The following USP38 variants were observed in gnomAD, a reference collection of about 807,000 sequenced individuals.
USP38 encodes the protein ubiquitin specific peptidase 38.
A neutral mutation model predicts 94.3 loss-of-function variants in USP38; 49 were observed. The ratio of observed to expected loss-of-function variants is 0.52; its 90% CI spans 0.41 to 0.66. The LOEUF (loss-of-function observed/expected upper bound fraction) is 0.66, where lower values mean the gene tolerates loss of function less well. USP38 is among the 30% of genes least tolerant of loss of function. The pLI is 0.00. For synonymous variants in USP38, 468 were observed against 463.6 expected (o/e 1.01, Z -0.12); for missense variants, 1,128 against 1,229.4 (o/e 0.92, Z 1.23).
At chr4:143,191,982 A>G (rs1054043831) in intron 2 of USP38, among the ~76,000 whole-genome samples, 6 of 152,254 alleles carry the variant, frequency 3.9e-5, no homozygotes, top group African/African-American at 1.4e-4. Context: ...AATCAAATTG[A>G]AACGGAACTG....
chr4:143,187,005 A>C (rs906532758), intron 1 of USP38, among the ~76,000 whole-genome samples: 2 of 152,178 alleles, frequency 1.3e-5, no homozygotes, highest in African/African-American at 4.8e-5. Context: ...GTGGAGTTTT[A>C]ACAAACGTTC....
chr4:143,194,106 C>T (rs2149605415), intron 2 of USP38, among the ~76,000 whole-genome samples: 1 of 152,326 alleles, frequency 6.6e-6, no homozygotes, highest in South Asian at 2.1e-4. Context: ...AAAAAGATGT[C>T]AGTCCTTTTA....
chr4:143,195,479 A>G (rs1361254816), intron 2 of USP38, among the ~76,000 whole-genome samples: 2 of 152,260 alleles, frequency 1.3e-5, no homozygotes, highest in Non-Finnish European at 2.9e-5. Context: ...ATAATTTATC[A>G]GAAATTCTTT....
At chr4:143,186,327 C>A (rs892132507) in intron 1 of USP38, among the ~76,000 whole-genome samples, 195 bp downstream of exon 1, 7 of 152,162 alleles carry the variant, frequency 4.6e-5, no homozygotes, top group African/African-American at 1.7e-4. Context: ...AAACAGGCAG[C>A]GTTCCCATTT....
In USP38 at chr4:143,220,280, T is replaced by G. The variant is rs749168860; in HGVS notation, c.2968-15T>G. The G allele has an allele frequency of 6.3e-7, 1 of 1,598,716 alleles. No homozygotes were observed. Among genetic ancestry groups the G allele is most frequent in the South Asian group, 1.1e-5 (1 of 89,196 alleles). ...TTTAGCATTTTAATTTCATAAAAGT[T>G]ATTTTTAATTTTAGGAACAAGAGTT... On this transcript the variant is annotated splice_polypyrimidine_tract_variant and intron_variant, in intron 9 of 9. Coordinates refer to ENST00000307017, the MANE Select transcript of USP38 (RefSeq NM_032557.6).
chr4:143,202,309 A>G (rs1282525039), intron 4 of USP38, among the ~76,000 whole-genome samples: 3 of 152,172 alleles, frequency 2.0e-5, no homozygotes, highest in Non-Finnish European at 4.4e-5. Flanking sequence ...GACAGAGCAG[A>G]ATGGAAATAG....
chr4:143,191,846 G>A (rs1731404706), intron 2 of USP38, among the ~76,000 whole-genome samples: 1 of 152,292 alleles, frequency 6.6e-6, no homozygotes, highest in Middle Eastern at 3.4e-3. Flanking sequence ...AAAAGAAAGT[G>A]TCCTTGGAAT....
At chr4:143,209,881 A>G (rs1159938905) in intron 7 of USP38, among the ~76,000 whole-genome samples, 1 of 152,016 alleles carries the variant, frequency 6.6e-6, no homozygotes, top group East Asian at 1.9e-4. Context: ...CTTGCTTCCC[A>G]TTATTGTAGC....
rs934610992 is a variant in USP38, at chr4:143,222,162, C to A, written c.*1706C>A. 6.6e-6 allele frequency: 1 copy of A among 152,024 alleles called. No individual in the cohort carries two copies. The highest frequency in any genetic ancestry group is 2.4e-5 in the African/African-American group (1 of 41,422). 9.4% of individuals were successfully genotyped at this position (152,024 alleles called of 1,614,324 possible). Reference sequence around the variant, plus strand: ...AGATTGATATTGGGCTAAGATGCTTCTAGGAACTTTCATAAAAGCAATTAT... The same window carrying A: ...AGATTGATATTGGGCTAAGATGCTTATAGGAACTTTCATAAAAGCAATTAT... On this transcript the variant is annotated 3_prime_UTR_variant, in exon 10 of 10. Coordinates refer to ENST00000307017, the MANE Select transcript of USP38 (RefSeq NM_032557.6).
Position 143,203,411 on chromosome 4 carries a change from G to A in USP38, c.1054G>A (p.Val352Ile). ...QHSPEAFHLI[V>I]PHVVNLVHSF... Reference sequence around the variant, plus strand: ...GTTTATCCTTTTTTCTTTTCAGATTGTTCCTCATGTGGTTAATTTGGTTCA... The same window carrying A: ...GTTTATCCTTTTTTCTTTTCAGATTATTCCTCATGTGGTTAATTTGGTTCA... Residue 352 changes from valine (V) to isoleucine (I), a missense_variant, in exon 5 of 10, where the codon GTT becomes ATT. By Grantham distance (29) the Val-to-Ile change is conservative (BLOSUM62 3). Coordinates refer to ENST00000307017, the MANE Select transcript of USP38 (RefSeq NM_032557.6). 1.2e-6 allele frequency: 2 copies of A among 1,609,250 alleles called. No individual in the cohort carries two copies. Among genetic ancestry groups the A allele is most frequent in the East Asian group, 2.2e-5 (1 of 44,612 alleles).
At chr4:143,194,510 TTTC>T (rs1206932056) in intron 2 of USP38, among the ~76,000 whole-genome samples, 1 of 151,184 alleles carries the variant, frequency 6.6e-6, no homozygotes, top group African/African-American at 2.5e-5. Context: ...CTTCAGTTGC[TTTC>T]TTTTTTTTTT....
chr4:143,210,887 T>C (rs1055644121), intron 7 of USP38, among the ~76,000 whole-genome samples: 7 of 151,918 alleles, frequency 4.6e-5, no homozygotes, highest in Non-Finnish European at 1.0e-4. Flanking sequence ...TATGAGATGA[T>C]AGTAATGGCC....
In USP38 at chr4:143,206,372, T is replaced by A. The variant is rs6842633; in HGVS notation, c.1403+146T>A. 1.2e-5 allele frequency: 8 copies of A among 692,116 alleles called. No individual in the cohort carries two copies. The East Asian group carries it at 2.5e-4, about 22-fold the overall frequency. The allele number at this position is 692,116 out of a possible 1,614,324, so 42.9% of individuals were successfully genotyped here. On this transcript the variant is annotated intron_variant, in intron 6 of 9. Transcript: ENST00000307017. ...TTGCCTTATTCAGAAATGAAACTGC[T>A]TTTAGTGCTCAGAAACTATGAAAAT...
Position 143,185,377 on chromosome 4 carries a change from GC to G in USP38, c.-73del. The G allele has an allele frequency of 1.4e-6, 2 of 1,479,980 alleles. No individual in the cohort carries two copies. Among genetic ancestry groups the G allele is most frequent in the Non-Finnish European group, 1.8e-6 (2 of 1,109,264 alleles). The allele number at this position is 1,479,980 out of a possible 1,614,324, so 91.7% of individuals were successfully genotyped here. A position where few individuals can be genotyped will look rare whatever the true frequency, so the allele number is the denominator to read the frequency against. ...GCTCCAAGTTCATCTCCGCCCCGGG[GC>G]TCTCCTGCCCCACCTCGGGGCTGCC... On this transcript the variant is annotated 5_prime_UTR_variant, in exon 1 of 10. Transcript: ENST00000307017.
chr4:143,220,382 C>T lies in USP38; in HGVS notation c.3055C>T (p.Pro1019Ser). ...GCCCAATGGATTTGATGACAACGAC[C>T]CACCAGGAAGCTGTGGACCAACTGG... is the stretch of plus-strand genomic sequence containing the variant. ...FRPNGFDDND[P>S]PGSCGPTGGG... Residue 1019 changes from proline to serine, a missense_variant, in exon 10 of 10, where the codon CCA becomes TCA. Coordinates refer to ENST00000307017, the MANE Select transcript of USP38 (RefSeq NM_032557.6). 6.2e-7 allele frequency: 1 copy of T among 1,613,388 alleles called. No homozygotes were observed. Among genetic ancestry groups the T allele is most frequent in the Non-Finnish European group, 8.5e-7 (1 of 1,179,604 alleles).
chr4:143,203,033 C>A (rs1385343291), intron 4 of USP38, among the ~76,000 whole-genome samples: 1 of 151,952 alleles, frequency 6.6e-6, no homozygotes, highest in Non-Finnish European at 1.5e-5. Context: ...TTAGCTAATT[C>A]CAGGATTATT....
intron 3 of USP38, among the ~76,000 whole-genome samples, chr4:143,197,108 C>T (rs750767854): frequency 1.4e-4 from 21 of 152,298 alleles, no homozygotes; most frequent in African/African-American, 2.2e-4. Flanking sequence ...GTTACTGCCT[C>T]GGTCTCTTGC....
intron 9 of USP38, among the ~76,000 whole-genome samples, chr4:143,219,642 C>T (rs1303736878): frequency 6.6e-6 from 1 of 152,016 alleles, no homozygotes. Context: ...GCATATTTTT[C>T]CAAAGAGTTT....
intron 4 of USP38, among the ~76,000 whole-genome samples, chr4:143,201,373 A>C (rs900281282): frequency 2.0e-5 from 3 of 152,198 alleles, no homozygotes; most frequent in African/African-American, 7.2e-5. Flanking sequence ...ATATACAAAA[A>C]TCAACTCAAG....
Sources: allele counts gnomAD v4.1 joint callset (sites outside exome capture counted in the v4.1 genomes callset), GRCh38; gene constraint gnomAD v4.1.1; transcripts MANE v1.5; gene names NCBI Gene and HGNC (gene_info 2026-07-23, HGNC 2026-07-21).